MEIG1: variants seen among roughly 807,000 people sequenced by gnomAD.
The protein encoded by MEIG1 is meiosis expressed gene 1 protein homolog.
A neutral mutation model predicts 11.3 loss-of-function variants in MEIG1; 12 were observed. The ratio of observed to expected loss-of-function variants is 1.07; its 90% CI spans 0.68 to 1.73. The LOEUF (loss-of-function observed/expected upper bound fraction) is 1.73, where lower values mean the gene tolerates loss of function less well. MEIG1 is among the 40% of genes most tolerant of loss of function. MEIG1 has a pLI of 0.00. For missense variants in MEIG1, 119 were observed against 104.9 expected (o/e 1.13, Z -0.59); for synonymous variants, 41 against 33.2 (o/e 1.24, Z -0.81).
At chr10:14,982,480 C>G (rs564770860) in intron 1 of MEIG1, among the ~76,000 whole-genome samples, 1 of 152,232 alleles carries the variant, frequency 6.6e-6, no homozygotes, top group Admixed American at 6.5e-5. Flanking sequence ...GGTTGTGGGT[C>G]TGGATAACAG....
At chr10:14,973,012 T>G (rs1172304703), downstream of MEIG1, among the ~76,000 whole-genome samples, 4 of 152,124 alleles carry the variant, frequency 2.6e-5, no homozygotes, top group African/African-American at 9.7e-5. Flanking sequence ...ATTACAGGTG[T>G]GCACTACCAT....
chr10:14,968,511 A>T (rs1303344649), intron 2 of MEIG1, among the ~76,000 whole-genome samples: 2 of 152,116 alleles, frequency 1.3e-5, no homozygotes, highest in Admixed American at 1.3e-4. Flanking sequence ...AATTAATTAA[A>T]TTAAAATTTT....
At chr10:14,974,895 A>G (rs534174598), downstream of MEIG1, among the ~76,000 whole-genome samples, 1 of 152,060 alleles carries the variant, frequency 6.6e-6, no homozygotes, top group Non-Finnish European at 1.5e-5. Flanking sequence ...ATAGATATTC[A>G]TGTTAATAAT....
upstream of MEIG1, among the ~76,000 whole-genome samples, chr10:14,957,104 T>C (rs144549653): frequency 3.9e-5 from 6 of 152,210 alleles, no homozygotes; most frequent in Non-Finnish European, 7.3e-5. Flanking sequence ...CGTGGGAGTG[T>C]ACCTTCTAAT....
intron 1 of MEIG1, among the ~76,000 whole-genome samples, chr10:14,960,968 G>A (rs969547428): frequency 3.9e-5 from 6 of 152,140 alleles, no homozygotes; most frequent in Admixed American, 1.3e-4. Context: ...GGCGGAGGTT[G>A]TGGTGAGACA....
upstream of MEIG1, among the ~76,000 whole-genome samples, chr10:14,955,139 C>G (rs1293040484): frequency 6.6e-6 from 1 of 152,132 alleles, no homozygotes; most frequent in African/African-American, 2.4e-5. Context: ...ACCACGTTGA[C>G]CAGGCTGGTC....
At chr10:14,976,971 C>T (rs1482712604), downstream of MEIG1, among the ~76,000 whole-genome samples, 1 of 151,116 alleles carries the variant, frequency 6.6e-6, no homozygotes, top group African/African-American at 2.4e-5. Flanking sequence ...CATTCTCTGA[C>T]ATTATTCGTT....
chr10:14,987,257 A>C (rs1183593021), intron 2 of MEIG1: 4 of 879,384 alleles, frequency 4.5e-6, no homozygotes, highest in Admixed American at 3.6e-5. Context: ...GAAGAAGTAC[A>C]TGGGGGTATG....
At chr10:14,961,200 G>A (rs1023901910) in intron 1 of MEIG1, among the ~76,000 whole-genome samples, 2 of 152,102 alleles carry the variant, frequency 1.3e-5, no homozygotes, top group African/African-American at 4.8e-5. Context: ...CTAACACAAA[G>A]CCTATTTTAT....
upstream of MEIG1, among the ~76,000 whole-genome samples, chr10:14,957,088 T>G (rs1349344151): frequency 6.6e-6 from 1 of 152,202 alleles, no homozygotes; most frequent in Non-Finnish European, 1.5e-5. Flanking sequence ...CAAAAATCCC[T>G]GTGGACGTGG....
upstream of MEIG1, among the ~76,000 whole-genome samples, chr10:14,955,910 A>C (rs1484731349): frequency 1.3e-5 from 2 of 152,222 alleles, no homozygotes; most frequent in Non-Finnish European, 2.9e-5. Flanking sequence ...GGTTTGTCTT[A>C]GAACACATGG....
At chr10:14,972,165 C>A (rs1274147548) in intron 2 of MEIG1, among the ~76,000 whole-genome samples, 2 of 152,084 alleles carry the variant, frequency 1.3e-5, no homozygotes, top group Admixed American at 6.5e-5. Context: ...TAGGCACCTA[C>A]CACCACACCC....
downstream of MEIG1, among the ~76,000 whole-genome samples, chr10:14,976,788 T>C (rs1268201275): frequency 6.6e-6 from 1 of 152,042 alleles, no homozygotes; most frequent in Non-Finnish European, 1.5e-5. Flanking sequence ...TTCATATTCT[T>C]CATAATATTC....
rs10673663 is a variant in MEIG1, at chr10:14,966,066, C to CTT, written c.-29-360_-29-359dup. 3.6e-3 allele frequency among the ~76,000 whole-genome samples: 428 copies of CTT among 118,700 alleles called. 14 individuals carry two copies. The highest frequency in any genetic ancestry group is 0.012 in the African/African-American group (361 of 31,220). The allele number at this position is 118,700 out of a possible 152,430, so 77.9% of individuals were successfully genotyped here. Reference sequence around the variant, plus strand: ...TTTTTAAGTGTTAGTTTTATTTATTCTTTTTTTTTTTTTTTGAGATGGAGT... The same window carrying CTT: ...TTTTTAAGTGTTAGTTTTATTTATTCTTTTTTTTTTTTTTTTTGAGATGGAGT... On this transcript the variant is annotated intron_variant, in intron 1 of 2. Coordinates refer to ENST00000407572, the MANE Select transcript of MEIG1 (RefSeq NM_001080836.3).
At chr10:14,972,367 T>C in intron 2 of MEIG1, 146 bp from the exon 3 acceptor site, 1 of 979,160 alleles carries the variant, frequency 1.0e-6, no homozygotes, top group South Asian at 1.5e-5. Flanking sequence ...GTCTTGTGGG[T>C]ATCATACTTT....
At chr10:14,956,368 C>G (rs1842952304), upstream of MEIG1, among the ~76,000 whole-genome samples, 1 of 151,806 alleles carries the variant, frequency 6.6e-6, no homozygotes, top group Admixed American at 6.6e-5. Context: ...CACCCGAGGT[C>G]AGGAGTTCGA....
At chr10:14,986,175 A>C (rs1439368931) in intron 1 of MEIG1, among the ~76,000 whole-genome samples, 5 of 152,174 alleles carry the variant, frequency 3.3e-5, no homozygotes, top group African/African-American at 4.8e-5. Flanking sequence ...GAAATACAAC[A>C]TTAGCTGGGC....
chr10:14,971,792 G>C (rs754952977), intron 2 of MEIG1, among the ~76,000 whole-genome samples: 1 of 152,102 alleles, frequency 6.6e-6, no homozygotes, highest in Non-Finnish European at 1.5e-5. Context: ...GGAATGTTTT[G>C]TCTTATCTTG....
At chr10:14,965,184 G>A (rs1843066191) in intron 1 of MEIG1, among the ~76,000 whole-genome samples, 1 of 152,054 alleles carries the variant, frequency 6.6e-6, no homozygotes, top group African/African-American at 2.4e-5. Context: ...TTTATTTACA[G>A]GATCTGACTT....
Sources: allele counts gnomAD v4.1 joint callset (sites outside exome capture counted in the v4.1 genomes callset), GRCh38; gene constraint gnomAD v4.1.1; transcripts MANE v1.5; gene names NCBI Gene and HGNC (gene_info 2026-07-23, HGNC 2026-07-21).